TRAPPC9: variants seen among roughly 807,000 people sequenced by gnomAD.
TRAPPC9 encodes the protein IKK2 binding protein.
In TRAPPC9, 83 loss-of-function variants were observed where a neutral mutation model predicts 124.0. That is an observed-to-expected ratio of 0.67 (90% CI 0.56 to 0.80). The LOEUF is 0.80. Among genes scored for constraint, TRAPPC9 ranks in the 30% least tolerant of loss-of-function variants. TRAPPC9 has a pLI of 0.00. For synonymous variants in TRAPPC9, 638 were observed against 617.5 expected (o/e 1.03, Z -0.49); for missense variants, 1,302 against 1,508.3 (o/e 0.86, Z 2.27).
At chr8:140,331,569 T>C (rs932267425) in intron 9 of TRAPPC9, among the ~76,000 whole-genome samples, 2 of 152,048 alleles carry the variant, frequency 1.3e-5, no homozygotes, top group African/African-American at 4.8e-5. Context: ...AAACTATTCA[T>C]CCAACAAGGG....
At chr8:140,080,184 T>C (rs1394367352) in intron 17 of TRAPPC9, among the ~76,000 whole-genome samples, 1 of 152,198 alleles carries the variant, frequency 6.6e-6, no homozygotes, top group Non-Finnish European at 1.5e-5. Flanking sequence ...GTGATGAACA[T>C]TCCATATCAT....
chr8:140,019,497 A>G (rs1286188361), intron 18 of TRAPPC9, among the ~76,000 whole-genome samples: 1 of 59,396 alleles, frequency 1.7e-5, no homozygotes. Flanking sequence ...GTGACTATTT[A>G]TTTTTTCTAT....
intron 21 of TRAPPC9, among the ~76,000 whole-genome samples, chr8:139,811,849 T>C (rs1192127544): frequency 6.6e-6 from 1 of 152,188 alleles, no homozygotes; most frequent in African/African-American, 2.4e-5. Flanking sequence ...AACATTTTTT[T>C]CCTATGCACT....
At chr8:140,446,911 CCAGG>C (rs1191506702) in intron 2 of TRAPPC9, among the ~76,000 whole-genome samples, 1 of 152,122 alleles carries the variant, frequency 6.6e-6, no homozygotes, top group Non-Finnish European at 1.5e-5. Context: ...ATGGCATGCT[CCAGG>C]CAGAAGCAAA....
chr8:139,851,672 G>A (rs1434922250), intron 21 of TRAPPC9, among the ~76,000 whole-genome samples: 2 of 152,216 alleles, frequency 1.3e-5, no homozygotes, highest in African/African-American at 2.4e-5. Flanking sequence ...AAAGGGAAAT[G>A]AGTCGGGAAG....
chr8:140,406,380 A>G (rs780771088), intron 5 of TRAPPC9, among the ~76,000 whole-genome samples: 1 of 152,356 alleles, frequency 6.6e-6, no homozygotes, highest in African/African-American at 2.4e-5. Context: ...CTGGGCTTCT[A>G]TGAAACCACT....
intron 17 of TRAPPC9, among the ~76,000 whole-genome samples, chr8:140,054,519 A>G (rs1053145692): frequency 1.3e-5 from 2 of 152,192 alleles, no homozygotes; most frequent in Admixed American, 6.5e-5. Flanking sequence ...AAAAAAACAA[A>G]CTATGCCCAA....
chr8:140,412,434 G>T (rs1425834407), intron 5 of TRAPPC9, among the ~76,000 whole-genome samples: 1 of 152,164 alleles, frequency 6.6e-6, no homozygotes, highest in Non-Finnish European at 1.5e-5. Flanking sequence ...TGCTGTATTG[G>T]AACAGCTGGT....
At chr8:139,871,589 C>A (rs1200937771) in intron 21 of TRAPPC9, among the ~76,000 whole-genome samples, 1 of 152,184 alleles carries the variant, frequency 6.6e-6, no homozygotes, top group African/African-American at 2.4e-5. Flanking sequence ...GCCCCATGTC[C>A]CATTCCCCCA....
chr8:139,797,849 T>A (rs529584596), intron 21 of TRAPPC9, among the ~76,000 whole-genome samples: 5 of 152,382 alleles, frequency 3.3e-5, no homozygotes, highest in Admixed American at 3.3e-4. Flanking sequence ...TTCAGTCTGT[T>A]GATCTGTACG....
At chr8:139,935,475 C>G (rs553286494) in intron 19 of TRAPPC9, among the ~76,000 whole-genome samples, 23 of 152,280 alleles carry the variant, frequency 1.5e-4, no homozygotes, top group Admixed American at 9.1e-4. Flanking sequence ...CGTGTGCAGA[C>G]AGTCCCAGGC....
intron 17 of TRAPPC9, among the ~76,000 whole-genome samples, chr8:140,178,499 T>C (rs1371593176): frequency 6.6e-6 from 1 of 152,126 alleles, no homozygotes; most frequent in Non-Finnish European, 1.5e-5. Flanking sequence ...GCATTCTTTT[T>C]CTTCTTTTAA....
At chr8:140,061,708 TA>T (rs1842631115) in intron 17 of TRAPPC9, among the ~76,000 whole-genome samples, 2 of 152,034 alleles carry the variant, frequency 1.3e-5, no homozygotes, top group Admixed American at 1.3e-4. Context: ...AACAAAAATA[TA>T]AAACTGAACA....
At chr8:140,148,818 A>G (rs190493391) in intron 17 of TRAPPC9, among the ~76,000 whole-genome samples, 4 of 152,300 alleles carry the variant, frequency 2.6e-5, no homozygotes, top group Admixed American at 6.5e-5. Context: ...AACAAGAATG[A>G]TATAATGAAC....
intron 17 of TRAPPC9, among the ~76,000 whole-genome samples, chr8:140,194,821 G>A (rs766488457): frequency 5.5e-4 from 83 of 151,830 alleles, no homozygotes; most frequent in Non-Finnish European, 5.9e-4. Flanking sequence ...ACAACCTATC[G>A]TACAGCTCAC....
chr8:140,149,552 G>A (rs1023043612), intron 17 of TRAPPC9, among the ~76,000 whole-genome samples: 10 of 151,946 alleles, frequency 6.6e-5, no homozygotes, highest in Admixed American at 3.3e-4. Flanking sequence ...CCCAGGAGGC[G>A]GAGGTAGTGG....
intron 17 of TRAPPC9, among the ~76,000 whole-genome samples, chr8:140,146,498 G>A (rs914602013): frequency 6.6e-6 from 1 of 152,174 alleles, no homozygotes; most frequent in East Asian, 1.9e-4. Flanking sequence ...GCATGTGATT[G>A]TGTGCATATA....
In TRAPPC9 at chr8:139,917,653, G is replaced by A. The variant is rs888860738; in HGVS notation, c.2811-7353C>T. On this transcript the variant is annotated intron_variant, in intron 19 of 22. Transcript: ENST00000438773. The stretch of plus-strand genomic sequence containing the variant: ...CCAAGCAACAGGCTCGGTCGCCACC[G>A]CCTCCATCTTCGCAGCAGCCCTGGG... Among the ~76,000 whole-genome samples the A allele has an allele frequency of 2.6e-5, 4 of 152,178 alleles. No homozygotes were observed. In the South Asian group the frequency reaches 6.2e-4, roughly 24 times the overall value.
intron 5 of TRAPPC9, among the ~76,000 whole-genome samples, chr8:140,426,279 A>G (rs2070419477): frequency 6.6e-6 from 1 of 152,234 alleles, no homozygotes; most frequent in Non-Finnish European, 1.5e-5. Context: ...ACAAGCCACA[A>G]ATCAGAGCAA....
Sources: gnomAD v4.1 joint callset for allele counts (sites outside exome capture counted in the v4.1 genomes callset) on GRCh38, gnomAD v4.1.1 for gene constraint, MANE v1.5 for transcripts, NCBI Gene and HGNC (gene_info 2026-07-23, HGNC 2026-07-21) for gene names.